The following U2AF2 variants were observed in gnomAD, a reference collection of about 807,000 sequenced individuals.
The protein encoded by U2AF2 is splicing factor U2AF 65 kDa subunit.
A neutral mutation model predicts 52.6 loss-of-function variants in U2AF2; 6 were observed. The ratio of observed to expected loss-of-function variants is 0.11; its 90% CI spans 0.06 to 0.23. U2AF2 has a LOEUF of 0.23. Ranked by LOEUF, U2AF2 falls within the 10% of genes least tolerant of loss-of-function variation. The pLI, the probability that U2AF2 is intolerant of heterozygous loss-of-function variation, is 1.00. For missense variants in U2AF2, 222 were observed against 677.1 expected (o/e 0.33, Z 7.46); for synonymous variants, 284 against 258.2 (o/e 1.10, Z -0.96).
At chr19:55,660,684 A>C (rs1984125658) in intron 4 of U2AF2, 65 bp downstream of exon 4, 1 of 1,464,896 alleles carries the variant, frequency 6.8e-7, no homozygotes, top group Admixed American at 1.9e-5. Context: ...TCCGTCAGTC[A>C]TTCCCCTGCG....
chr19:55,660,262 C>A, intron 3 of U2AF2, 41 bp downstream of exon 3: 2 of 1,602,684 alleles, frequency 1.2e-6, no homozygotes, highest in Non-Finnish European at 1.7e-6. Flanking sequence ...GATGTCCACT[C>A]CCTTCACCTT....
intron 1 of U2AF2, among the ~76,000 whole-genome samples, chr19:55,655,372 G>A (rs1184111386): frequency 6.6e-6 from 1 of 152,164 alleles, no homozygotes; most frequent in Non-Finnish European, 1.5e-5. Context: ...CGTGACGCAT[G>A]CGCACGGCGG....
At chr19:55,670,788 C>T (rs1984868511) in intron 11 of U2AF2, 1 of 175,264 alleles carries the variant, frequency 5.7e-6, no homozygotes, top group South Asian at 1.1e-4. Flanking sequence ...GGTGGTCACG[C>T]CTGGCAGATG....
In U2AF2 at chr19:55,669,315, T is replaced by C. The variant is rs1200793963; in HGVS notation, c.1045-129T>C. On this transcript the variant is annotated intron_variant, in intron 10 of 11. Transcript: ENST00000308924. The stretch of plus-strand genomic sequence containing the variant: ...GGGCATTCAGTGCAGTGTTGGGGAG[T>C]CGGGCTTTAGGTGTTGGAAGTGGAG... 5 of 1,542,052 alleles carry C rather than the reference T, an allele frequency of 3.2e-6. No individual in the cohort carries two copies. In the East Asian group the frequency reaches 6.8e-5, roughly 21 times the overall value.
intron 1 of U2AF2, 42 bp downstream of exon 1, chr19:55,655,195 C>T (rs755444276): frequency 6.3e-7 from 1 of 1,580,348 alleles, no homozygotes; most frequent in East Asian, 2.4e-5. Context: ...TGGGCGGCTC[C>T]TCGCGTCGCT....
chr19:55,669,840 C>T (rs1440111249), intron 11 of U2AF2, 148 bp downstream of exon 11: 42 of 1,272,932 alleles, frequency 3.3e-5, no homozygotes, highest in Non-Finnish European at 3.8e-5. Context: ...GCAGCGCGTG[C>T]GTATAGGTGT....
At chr19:55,659,696 C>T (rs1169064627) in intron 2 of U2AF2, among the ~76,000 whole-genome samples, 2 of 152,002 alleles carry the variant, frequency 1.3e-5, no homozygotes, top group African/African-American at 2.4e-5. Context: ...CTCTCTGTGG[C>T]TCTCTGTGGG....
At position 55,668,621 on chromosome 19, in the gene U2AF2, C is replaced by G. The variant is rs78693809; in HGVS notation, c.822+35C>G. ...CTGCCTCCCTCCAGACCCGTCCCCC[C>G]ACCCCGCCCCACCTCATCCCAGCCC... is the stretch of plus-strand genomic sequence containing the variant. On this transcript the variant is annotated intron_variant, in intron 8 of 11. Coordinates refer to ENST00000308924, the MANE Select transcript of U2AF2 (RefSeq NM_007279.3). This position sits in a 1 kb window ranked among gnomAD's most constrained non-coding sequence, Gnocchi z 5.5. 11 of 1,596,510 alleles carry G rather than the reference C, an allele frequency of 6.9e-6. No homozygotes were observed. Among genetic ancestry groups the G allele is most frequent in the South Asian group, 1.1e-5 (1 of 89,918 alleles).
At chr19:55,671,682 C>T (rs903244096) in intron 11 of U2AF2, 2 of 152,314 alleles carry the variant, frequency 1.3e-5, no homozygotes, top group African/African-American at 2.4e-5. Context: ...AGTCCCCTTC[C>T]CTTGAGCTGG....
At chr19:55,663,485 G>A (rs1235097035) in intron 6 of U2AF2, 121 bp from the exon 7 acceptor site, 8 of 1,454,150 alleles carry the variant, frequency 5.5e-6, no homozygotes, top group African/African-American at 1.4e-5. Flanking sequence ...CCAGCCTGGG[G>A]CCTGGCATGT....
chr19:55,673,395 G>T (rs548154068), intron 11 of U2AF2, among the ~76,000 whole-genome samples: 1 of 150,906 alleles, frequency 6.6e-6, no homozygotes, highest in African/African-American at 2.4e-5. Context: ...TTCAGTGTTC[G>T]TGTAGGCTCA....
intron 7 of U2AF2, among the ~76,000 whole-genome samples, chr19:55,664,315 G>A (rs1465114244): frequency 6.6e-6 from 1 of 152,204 alleles, no homozygotes; most frequent in African/African-American, 2.4e-5. Context: ...CTGCGTGCGT[G>A]GGCCTGGCTG....
Position 55,668,998 on chromosome 19 carries a change from C to T in U2AF2, c.946-85C>T. On this transcript the variant is annotated intron_variant, in intron 9 of 11. Transcript: ENST00000308924. The surrounding 1 kb of genome is among the most constrained non-coding windows in gnomAD (Gnocchi z 5.5). Reference sequence around the variant, plus strand: ...GCCTTCCCCTCTTCCCCCACCAATGCCCCGGCTTGGGGGTAGGTGTCGGGC... The same window carrying T: ...GCCTTCCCCTCTTCCCCCACCAATGTCCCGGCTTGGGGGTAGGTGTCGGGC... The T allele has an allele frequency of 3.9e-6, 6 of 1,523,264 alleles. No individual in the cohort carries two copies. Among genetic ancestry groups the T allele is most frequent in the South Asian group, 1.2e-5 (1 of 83,792 alleles). The allele number at this position is 1,523,264 out of a possible 1,614,324, so 94.4% of individuals were successfully genotyped here. A position where few individuals can be genotyped will look rare whatever the true frequency, so the allele number is the denominator to read the frequency against.
At chr19:55,670,460 T>C (rs1215383696) in intron 11 of U2AF2, among the ~76,000 whole-genome samples, 1 of 148,896 alleles carries the variant, frequency 6.7e-6, no homozygotes. Flanking sequence ...CCGTGCACCC[T>C]GCTGTCCCGT....
intron 6 of U2AF2, among the ~76,000 whole-genome samples, chr19:55,663,380 T>G (rs1382161184): frequency 1.3e-5 from 2 of 152,218 alleles, no homozygotes; most frequent in African/African-American, 4.8e-5. Flanking sequence ...AATTGTGTGT[T>G]TGCCTCTGTG....
chr19:55,660,245 C>T (rs1984086906), intron 3 of U2AF2, 24 bp downstream of exon 3: 1 of 1,608,094 alleles, frequency 6.2e-7, no homozygotes, highest in South Asian at 1.1e-5. Flanking sequence ...CCTGCCCCTT[C>T]CTCCCTGATG....
Position 55,665,200 on chromosome 19 carries a change from T to C in U2AF2, c.742+1456T>C, listed in dbSNP as rs796565848. On this transcript the variant is annotated intron_variant, in intron 7 of 11. Transcript: ENST00000308924. Reference sequence around the variant, plus strand: ...CCACTGCGTTTTCATTCATTTTAAGTCCCATGAGTGGCCCGCCACTTGCTG... The same window carrying C: ...CCACTGCGTTTTCATTCATTTTAAGCCCCATGAGTGGCCCGCCACTTGCTG... Among the ~76,000 whole-genome samples, 7 of 152,362 alleles carry C rather than the reference T, an allele frequency of 4.6e-5. 1 individual carries two copies. Among genetic ancestry groups the C allele is most frequent in the African/African-American group, 1.7e-4 (7 of 41,584 alleles).
At chr19:55,666,174 C>T (rs569265920) in intron 7 of U2AF2, among the ~76,000 whole-genome samples, 2 of 152,216 alleles carry the variant, frequency 1.3e-5, no homozygotes, top group Admixed American at 1.3e-4. Flanking sequence ...CCGAGCTCCT[C>T]TCAGGCGCCC....
In U2AF2 at chr19:55,669,480, C is replaced by A; in HGVS notation, c.1081C>A (p.Pro361Thr). 6.2e-7 allele frequency: 1 copy of A among 1,612,982 alleles called. No individual in the cohort carries two copies. Among genetic ancestry groups the A allele is most frequent in the Non-Finnish European group, 8.5e-7 (1 of 1,179,198 alleles). The change falls in exon 11 of 12, where the codon CCG becomes ACG. Residue 361 changes from proline to threonine, a missense_variant. Pro to Thr is a conservative substitution (Grantham distance 38). This residue lies in a region of U2AF2 where 71 missense variants were observed against 180.6 expected (regional missense o/e 0.39). Coordinates refer to ENST00000308924, the MANE Select transcript of U2AF2 (RefSeq NM_007279.3). ...INQTPVTLQV[P>T]GLMSSQVQMG... The stretch of plus-strand genomic sequence containing the variant: ...TCAGACGCCTGTGACCCTGCAAGTG[C>A]CGGGCTTGATGAGCTCCCAGGTGCA...
Sources: allele counts gnomAD v4.1 joint callset (sites outside exome capture counted in the v4.1 genomes callset), GRCh38; gene constraint gnomAD v4.1.1; regional missense constraint gnomAD v4.1.1; non-coding constraint Gnocchi (gnomAD v3.1); transcripts MANE v1.5; gene names NCBI Gene and HGNC (gene_info 2026-07-23, HGNC 2026-07-21).